The following PPM1L variants were observed in gnomAD, a reference collection of about 807,000 sequenced individuals.
PPM1L encodes the protein protein phosphatase 1L.
Under a neutral mutation model 31.4 loss-of-function variants are expected in PPM1L, and 13 were observed. The observed-to-expected ratio is 0.41, with a 90% confidence interval of 0.27 to 0.66. PPM1L has a LOEUF of 0.66. Among genes scored for constraint, PPM1L ranks in the 30% least tolerant of loss-of-function variants. The pLI is 0.29. For missense variants in PPM1L, 326 were observed against 453.7 expected, an observed-to-expected ratio of 0.72 and a Z score of 2.56; for synonymous variants, 184 against 175.4, an observed-to-expected ratio of 1.05 and a Z score of -0.39.
chr3:160,779,388 C>T (rs1711671161), intron 1 of PPM1L, among the ~76,000 whole-genome samples: 1 of 152,206 alleles, frequency 6.6e-6, no homozygotes, highest in East Asian at 1.9e-4. Context: ...ATAACTTCTA[C>T]ACCCTGAACT....
chr3:160,795,081 A>G lies in PPM1L; in HGVS notation c.399+38374A>G, dbSNP rs538919974. 2.6e-5 allele frequency among the ~76,000 whole-genome samples: 4 copies of G among 152,322 alleles called. No individual in the cohort carries two copies. In the South Asian group the frequency reaches 8.3e-4, roughly 32 times the overall value. ...CCCCCATACAGGGAATAAGATTTCC[A>G]GGAAGGAAGAAATGTTACTTAAGGA... On this transcript the variant is annotated intron_variant, in intron 1 of 3. Transcript: ENST00000498165.
intron 1 of PPM1L, among the ~76,000 whole-genome samples, chr3:160,881,907 C>T (rs924741366): frequency 7.9e-5 from 12 of 152,084 alleles, no homozygotes; most frequent in Admixed American, 1.3e-4. Context: ...AAAAATTAGC[C>T]GGGCGTGGTA....
At chr3:160,963,337 T>G (rs1214953563) in intron 2 of PPM1L, among the ~76,000 whole-genome samples, 1 of 152,030 alleles carries the variant, frequency 6.6e-6, no homozygotes, top group Non-Finnish European at 1.5e-5. Context: ...CAGTAAGCAA[T>G]TGTTGAATGC....
chr3:161,059,206 G>T (rs1719503867), intron 2 of PPM1L, among the ~76,000 whole-genome samples: 2 of 152,144 alleles, frequency 1.3e-5, no homozygotes, highest in African/African-American at 4.8e-5. Context: ...TTCACAAGGT[G>T]CCATGGCTTT....
intron 2 of PPM1L, among the ~76,000 whole-genome samples, chr3:161,019,999 G>A (rs1406781612): frequency 6.6e-6 from 1 of 151,786 alleles, no homozygotes; most frequent in African/African-American, 2.4e-5. Flanking sequence ...GGTGGCGTGT[G>A]CCTGTAATCC....
intron 2 of PPM1L, among the ~76,000 whole-genome samples, chr3:160,972,302 G>C (rs372381798): frequency 4.0e-5 from 6 of 151,464 alleles, no homozygotes; most frequent in African/African-American, 1.5e-4. Context: ...GCACCCATTA[G>C]CTCGTCATTT....
At chr3:160,989,830 T>C (rs1201098976) in intron 2 of PPM1L, among the ~76,000 whole-genome samples, 1 of 151,286 alleles carries the variant, frequency 6.6e-6, no homozygotes, top group Admixed American at 6.6e-5. Flanking sequence ...CAGCTGATTA[T>C]TATTTTTTAT....
intron 1 of PPM1L, among the ~76,000 whole-genome samples, chr3:160,945,963 C>T (rs1406938829): frequency 6.6e-6 from 1 of 152,012 alleles, no homozygotes; most frequent in Non-Finnish European, 1.5e-5. Context: ...TATTAATCAA[C>T]TATTTATGTT....
intron 1 of PPM1L, among the ~76,000 whole-genome samples, chr3:160,769,824 A>C (rs1715202587): frequency 6.6e-6 from 1 of 152,096 alleles, no homozygotes; most frequent in African/African-American, 2.4e-5. Flanking sequence ...AAATATTCGA[A>C]TCTACTCCAG....
At chr3:161,066,649 G>A (rs1229081981) in intron 3 of PPM1L, among the ~76,000 whole-genome samples, 2 of 152,176 alleles carry the variant, frequency 1.3e-5, no homozygotes, top group Admixed American at 6.5e-5. Flanking sequence ...AGAGCTGCAG[G>A]ATGTATGCTC....
intron 1 of PPM1L, among the ~76,000 whole-genome samples, chr3:160,903,832 G>A (rs201444342): frequency 1.2e-5 from 1 of 82,784 alleles, no homozygotes; most frequent in Non-Finnish European, 2.7e-5. Context: ...AAATGATAAT[G>A]TATTAGGAAT....
At chr3:161,052,281 ACTCC>A (rs1349589896) in intron 2 of PPM1L, among the ~76,000 whole-genome samples, 3 of 151,640 alleles carry the variant, frequency 2.0e-5, no homozygotes, top group Non-Finnish European at 4.4e-5. Context: ...CACATCAAAG[ACTCC>A]CTCTTGGTTT....
chr3:161,005,778 C>T (rs1469070901), intron 2 of PPM1L, among the ~76,000 whole-genome samples: 1 of 151,936 alleles, frequency 6.6e-6, no homozygotes, highest in Non-Finnish European at 1.5e-5. Context: ...CTTTGAAAAA[C>T]AGGATAAATA....
At chr3:160,783,745 T>C (rs1429058011) in intron 1 of PPM1L, among the ~76,000 whole-genome samples, 1 of 152,168 alleles carries the variant, frequency 6.6e-6, no homozygotes, top group Non-Finnish European at 1.5e-5. Flanking sequence ...CCCCTCTGGA[T>C]GTTAAATGTC....
chr3:160,976,650 G>A (rs1716590786), intron 2 of PPM1L, among the ~76,000 whole-genome samples: 1 of 152,168 alleles, frequency 6.6e-6, no homozygotes, highest in African/African-American at 2.4e-5. Flanking sequence ...AGATTTTCTA[G>A]TTTATTTGTA....
At chr3:160,863,600 G>GTGCC (rs1447862007) in intron 1 of PPM1L, among the ~76,000 whole-genome samples, 5 of 152,218 alleles carry the variant, frequency 3.3e-5, no homozygotes, top group African/African-American at 1.2e-4. Flanking sequence ...AAACTGTCTA[G>GTGCC]TGCCTGTACA....
intron 1 of PPM1L, among the ~76,000 whole-genome samples, chr3:160,953,895 G>T (rs1407048737): frequency 6.6e-6 from 1 of 152,136 alleles, no homozygotes; most frequent in Non-Finnish European, 1.5e-5. Flanking sequence ...AGCATTGAAG[G>T]CATGTTTTTC....
intron 1 of PPM1L, among the ~76,000 whole-genome samples, chr3:160,790,249 ATTTG>A (rs1038220927): frequency 1.2e-4 from 19 of 152,166 alleles, no homozygotes; most frequent in Admixed American, 4.6e-4. Flanking sequence ...CTGATAAATG[ATTTG>A]TTTATTTGAC....
intron 2 of PPM1L, among the ~76,000 whole-genome samples, chr3:161,015,186 T>A (rs558373570): frequency 2.3e-4 from 33 of 142,770 alleles, no homozygotes; most frequent in East Asian, 2.1e-3. Flanking sequence ...ATTCTATTTT[T>A]AAATTAATAA....
Sources: allele counts gnomAD v4.1 joint callset (sites outside exome capture counted in the v4.1 genomes callset), GRCh38; gene constraint gnomAD v4.1.1; transcripts MANE v1.5; gene names NCBI Gene and HGNC (gene_info 2026-07-23, HGNC 2026-07-21).